The following LRRC27 variants were observed in gnomAD, a reference collection of about 807,000 sequenced individuals.
LRRC27 encodes the protein leucine rich repeat containing 27, also known as leucine-rich repeat-containing protein 27.
A neutral mutation model predicts 55.0 loss-of-function variants in LRRC27; 57 were observed. The ratio of observed to expected loss-of-function variants is 1.04; its 90% CI spans 0.84 to 1.29. LRRC27 has a LOEUF of 1.29. LRRC27 is among the 50% of genes most tolerant of loss of function. The pLI, the probability that LRRC27 is intolerant of heterozygous loss-of-function variation, is 0.00. For synonymous variants in LRRC27, 278 were observed against 251.9 expected (o/e 1.10, Z -0.98); for missense variants, 721 against 651.5 (o/e 1.11, Z -1.16).
chr10:132,362,204 G>T (rs1369425306), intron 9 of LRRC27, among the ~76,000 whole-genome samples: 2 of 152,188 alleles, frequency 1.3e-5, no homozygotes, highest in African/African-American at 4.8e-5. Flanking sequence ...GGGCGGCCAG[G>T]CTGCTGGGCA....
intron 10 of LRRC27, among the ~76,000 whole-genome samples, chr10:132,368,902 G>C (rs1055165370): frequency 2.6e-5 from 4 of 152,072 alleles, no homozygotes; most frequent in Non-Finnish European, 5.9e-5. Flanking sequence ...AGATACACCC[G>C]ATAAAGGAAT....
In LRRC27 at chr10:132,342,287, T is replaced by TA; in HGVS notation, c.400+21dup. On this transcript the variant is annotated intron_variant, in intron 4 of 10. Transcript: ENST00000368614. ...GTGGAGCTGGGTAAGTATAAAATAA[T>TA]AAAAAGATGATTTTAAAATGCTATC... The TA allele has an allele frequency of 6.9e-7, 1 of 1,451,738 alleles. No homozygotes were observed. Among genetic ancestry groups the TA allele is most frequent in the Non-Finnish European group, 9.3e-7 (1 of 1,076,238 alleles). 89.9% of individuals were successfully genotyped at this position (1,451,738 alleles called of 1,614,324 possible). A position where few individuals can be genotyped will look rare whatever the true frequency, so the allele number is the denominator to read the frequency against.
At chr10:132,352,471 C>G (rs1590667693) in intron 7 of LRRC27, among the ~76,000 whole-genome samples, 1 of 70,208 alleles carries the variant, frequency 1.4e-5, no homozygotes, top group African/African-American at 6.4e-5. Flanking sequence ...GGCGCTGAGG[C>G]CTCCGTGTGG....
chr10:132,351,410 G>T, intron 6 of LRRC27, 197 bp from the exon 7 acceptor site: 1 of 656,146 alleles, frequency 1.5e-6, no homozygotes, highest in Non-Finnish European at 2.7e-6. Context: ...GTGTCCTGCT[G>T]CCATCCACAC....
At chr10:132,365,939 G>A (rs2133089252) in intron 10 of LRRC27, among the ~76,000 whole-genome samples, 1 of 152,380 alleles carries the variant, frequency 6.6e-6, no homozygotes, top group East Asian at 1.9e-4. Flanking sequence ...TTCAGAGCAT[G>A]CGCTCTCTAA....
chr10:132,353,451 A>G (rs2068163743), intron 7 of LRRC27: 3 of 988,144 alleles, frequency 3.0e-6, no homozygotes, highest in African/African-American at 1.7e-5. Flanking sequence ...GGCTGTGTCC[A>G]GCACACAGAT....
intron 10 of LRRC27, among the ~76,000 whole-genome samples, chr10:132,369,454 G>A (rs902588380): frequency 2.0e-5 from 3 of 152,246 alleles, no homozygotes; most frequent in Non-Finnish European, 4.4e-5. Flanking sequence ...CGTCAGCAAT[G>A]AGAAGACACG....
intron 3 of LRRC27, 49 bp downstream of exon 3, chr10:132,337,744 G>C: frequency 6.3e-7 from 1 of 1,598,064 alleles, no homozygotes; most frequent in Non-Finnish European, 8.6e-7. Context: ...TTCAGTGCAC[G>C]AGTGCCTGTT....
chr10:132,337,243 G>C (rs2067179499), intron 2 of LRRC27: 1 of 1,186,242 alleles, frequency 8.4e-7, no homozygotes, highest in Non-Finnish European at 1.0e-6. Flanking sequence ...CCGAGACACT[G>C]AGTGTGGGGC....
rs1191985221 is a variant in LRRC27 at position 132,376,597 on chromosome 10, G to GGGCT, written c.*1356_*1359dup. 8 of 152,366 alleles carry GGGCT rather than the reference G, an allele frequency of 5.3e-5. No individual in the cohort carries two copies. The highest frequency in any genetic ancestry group is 1.2e-4 in the Non-Finnish European group (8 of 68,058). 9.4% of individuals were successfully genotyped at this position (152,366 alleles called of 1,614,324 possible). A position where few individuals can be genotyped will look rare whatever the true frequency, so the allele number is the denominator to read the frequency against. The stretch of plus-strand genomic sequence containing the variant: ...TCCTCTGAAGGTTTAACTGGGCTTG[G>GGGCT]GGCTCAGCTTCCAAGGTGCTCACCT... On this transcript the variant is annotated 3_prime_UTR_variant, in exon 11 of 11. Transcript: ENST00000368614.
upstream of LRRC27, chr10:132,331,453 C>A (rs1455597178): frequency 6.2e-7 from 1 of 1,611,478 alleles, no homozygotes; most frequent in Non-Finnish European, 8.5e-7. Flanking sequence ...CCTCGCCCCC[C>A]TCACTCCTCC....
rs576606473 is a variant in LRRC27, at chr10:132,348,706, G to A, written c.926+350G>A. On this transcript the variant is annotated intron_variant, in intron 6 of 10. Coordinates refer to ENST00000368614, the MANE Select transcript of LRRC27 (RefSeq NM_030626.3). The surrounding 1 kb of genome is among the most constrained non-coding windows in gnomAD (Gnocchi z 4.2). ...AAAGAATGGGCAGCAGGGAAAGGAG[G>A]AAAGAACAGTAAAAGTGGGGGCAGG... Among the ~76,000 whole-genome samples the A allele has an allele frequency of 6.6e-6, 1 of 152,354 alleles. No individual in the cohort carries two copies. Among genetic ancestry groups the A allele is most frequent in the East Asian group, 1.9e-4 (1 of 5,194 alleles).
In LRRC27 at chr10:132,359,134, A is replaced by AGGAGCCGAGGTGATGGAGCAGCGTGGGG. The variant is rs1564847069; in HGVS notation, c.1171-2323_1171-2322insGGAGCCGAGGTGATGGAGCAGCGTGGGG. On this transcript the variant is annotated intron_variant, in intron 8 of 10. Coordinates refer to ENST00000368614, the MANE Select transcript of LRRC27 (RefSeq NM_030626.3). Reference sequence around the variant, plus strand: ...AGGAGCCGAGGTGGTGGAGCGTGGGAAGGAGCCGAGGTGGTGGAGCAGCGT... The same window carrying AGGAGCCGAGGTGATGGAGCAGCGTGGGG: ...AGGAGCCGAGGTGGTGGAGCGTGGGAGGAGCCGAGGTGATGGAGCAGCGTGGGGAGGAGCCGAGGTGGTGGAGCAGCGT... Among the ~76,000 whole-genome samples, 42 of 29,774 alleles carry AGGAGCCGAGGTGATGGAGCAGCGTGGGG rather than the reference A, an allele frequency of 1.4e-3. 1 individual carries two copies. Among genetic ancestry groups the AGGAGCCGAGGTGATGGAGCAGCGTGGGG allele is most frequent in the South Asian group, 2.6e-3 (2 of 784 alleles). The allele number at this position is 29,774 out of a possible 152,430, so 19.5% of individuals were successfully genotyped here.
chr10:132,359,151 GAGC>G (rs143989791), intron 8 of LRRC27, among the ~76,000 whole-genome samples: 1,468 of 93,476 alleles, frequency 0.016, 277 homozygotes, highest in East Asian at 0.13. Context: ...CGAGGTGGTG[GAGC>G]AGCGTGGGGA....
intron 8 of LRRC27, among the ~76,000 whole-genome samples, chr10:132,358,750 C>T (rs866747380): frequency 6.1e-5 from 4 of 65,484 alleles, no homozygotes; most frequent in Middle Eastern, 0.01. Context: ...GGGGAGGAGC[C>T]GAGGTGATGG....
intron 10 of LRRC27, chr10:132,366,617 A>C: frequency 6.0e-6 from 1 of 167,740 alleles, no homozygotes; most frequent in Non-Finnish European, 1.3e-5. Context: ...TCCTGCAGCC[A>C]TAAGGATTCT....
In LRRC27 at chr10:132,377,496, C is replaced by T. The variant is rs2069352759; in HGVS notation, c.*2254C>T. Reference sequence around the variant, plus strand: ...AAGGTCCCTCCCATCTGCCAGTTCCCTGCCATTGATGCTGTTGCTCTCGTC... The same window carrying T: ...AAGGTCCCTCCCATCTGCCAGTTCCTTGCCATTGATGCTGTTGCTCTCGTC... On this transcript the variant is annotated 3_prime_UTR_variant, in exon 11 of 11. Transcript: ENST00000368614. The T allele has an allele frequency of 6.6e-6, 1 of 152,196 alleles. No individual in the cohort carries two copies. The highest frequency in any genetic ancestry group is 6.5e-5 in the Admixed American group (1 of 15,270). 9.4% of individuals were successfully genotyped at this position (152,196 alleles called of 1,614,324 possible). A position where few individuals can be genotyped will look rare whatever the true frequency, so the allele number is the denominator to read the frequency against.
upstream of LRRC27, chr10:132,331,919 CCCCCACCGCAAGCGCAACCCCCCG>C (rs2066780485): frequency 1.4e-6 from 1 of 713,224 alleles, no homozygotes; most frequent in Admixed American, 3.6e-5. Flanking sequence ...CACCACAACC[CCCCCACCGCAAGCGCAACCCCCCG>C]CCCCAGCGCA....
At chr10:132,351,847 TTTAG>T (rs1182362445) in intron 7 of LRRC27, 94 bp downstream of exon 7, 15 of 1,385,888 alleles carry the variant, frequency 1.1e-5, no homozygotes, top group Admixed American at 2.5e-5. Context: ...CGTGGAAGTG[TTTAG>T]TTAGTTCTCC....
Sources: allele counts gnomAD v4.1 joint callset (sites outside exome capture counted in the v4.1 genomes callset), GRCh38; gene constraint gnomAD v4.1.1; non-coding constraint Gnocchi (gnomAD v3.1); transcripts MANE v1.5; gene names NCBI Gene and HGNC (gene_info 2026-07-23, HGNC 2026-07-21).